CDH18: variants seen among roughly 807,000 people sequenced by gnomAD.
CDH18 encodes the protein cadherin-18.
Under a neutral mutation model 67.9 loss-of-function variants are expected in CDH18, and 31 were observed. The observed-to-expected ratio is 0.46, with a 90% CI of 0.34 to 0.62. The LOEUF (loss-of-function observed/expected upper bound fraction) is 0.62. Ranked by LOEUF, CDH18 falls within the 20% of genes least tolerant of loss-of-function variation. The pLI, the probability that CDH18 is intolerant of heterozygous loss-of-function variation, is 0.01. For synonymous variants in CDH18, 362 were observed against 347.2 expected (o/e 1.04, Z -0.48); for missense variants, 890 against 975.5 (o/e 0.91, Z 1.17).
At chr5:20,347,193 G>A (rs567157036) in intron 1 of CDH18, among the ~76,000 whole-genome samples, 1 of 152,224 alleles carries the variant, frequency 6.6e-6, no homozygotes, top group East Asian at 1.9e-4. Context: ...CTTGGACTCT[G>A]CATATTAAAC....
chr5:20,564,260 T>TTTTATTTATTTATTTATTTA (rs3039398), intron 1 of CDH18, among the ~76,000 whole-genome samples: 5,154 of 141,576 alleles, frequency 0.036, 134 homozygotes, highest in East Asian at 0.05. Flanking sequence ...ATTATCACAG[T>TTTTATTTATTTATTTATTTA]TTTATTTATT....
chr5:20,288,707 G>A (rs1190933856), intron 1 of CDH18, among the ~76,000 whole-genome samples: 4 of 151,688 alleles, frequency 2.6e-5, no homozygotes, highest in African/African-American at 7.3e-5. Context: ...TAGTCAATTC[G>A]CTTTATTCAG....
intron 2 of CDH18, among the ~76,000 whole-genome samples, chr5:19,871,216 C>A (rs986672996): frequency 6.6e-6 from 1 of 152,086 alleles, no homozygotes; most frequent in Admixed American, 6.6e-5. Context: ...AGAATGACAG[C>A]ATCCTTTTTG....
chr5:20,149,571 G>T (rs1750938331), intron 2 of CDH18, among the ~76,000 whole-genome samples: 1 of 152,124 alleles, frequency 6.6e-6, no homozygotes, highest in Non-Finnish European at 1.5e-5. Context: ...AAAAAACAAA[G>T]CAAGGGTTTC....
At chr5:20,373,399 C>T (rs1014974569) in intron 1 of CDH18, among the ~76,000 whole-genome samples, 2 of 152,074 alleles carry the variant, frequency 1.3e-5, no homozygotes, top group South Asian at 2.1e-4. Context: ...CAGACCCCAG[C>T]TCTCACACCC....
chr5:20,394,687 G>A (rs1237014701), intron 1 of CDH18, among the ~76,000 whole-genome samples: 1 of 151,936 alleles, frequency 6.6e-6, no homozygotes, highest in Non-Finnish European at 1.5e-5. Context: ...TATGCATTCA[G>A]CAAAGACCTC....
In CDH18 at chr5:19,477,269, C is replaced by T. The variant is rs182653570; in HGVS notation, c.1883-3553G>A. The stretch of plus-strand genomic sequence containing the variant: ...GGATCCCTCTAGTTAAAGATAAATT[C>T]AAATCAACTCAGAAAAATGTTGTAC... On this transcript the variant is annotated intron_variant, in intron 12 of 12. Transcript: ENST00000382275. Among the ~76,000 whole-genome samples the T allele has an allele frequency of 2.8e-3, 428 of 151,390 alleles. 3 individuals are homozygous for T. The highest frequency in any genetic ancestry group is 9.7e-3 in the African/African-American group (403 of 41,384).
intron 11 of CDH18, among the ~76,000 whole-genome samples, chr5:19,488,541 T>A (rs956747074): frequency 4.6e-5 from 7 of 152,136 alleles, no homozygotes; most frequent in Non-Finnish European, 1.0e-4. Flanking sequence ...ATAGGCATGG[T>A]TTCATATTGT....
chr5:19,997,624 G>A (rs1389766117), intron 2 of CDH18, among the ~76,000 whole-genome samples: 1 of 152,036 alleles, frequency 6.6e-6, no homozygotes, highest in Non-Finnish European at 1.5e-5. Context: ...TAAAGTCTTT[G>A]AGAACCAACA....
At chr5:20,055,426 G>A (rs1326137097) in intron 2 of CDH18, among the ~76,000 whole-genome samples, 2 of 152,244 alleles carry the variant, frequency 1.3e-5, no homozygotes, top group African/African-American at 4.8e-5. Context: ...TGTAAGCCAA[G>A]TAGAAAGTAT....
chr5:20,101,511 C>G (rs558134371), intron 2 of CDH18, among the ~76,000 whole-genome samples: 1 of 152,208 alleles, frequency 6.6e-6, no homozygotes, highest in East Asian at 1.9e-4. Context: ...CTTGAAGATG[C>G]ATAAGAAACG....
intron 1 of CDH18, among the ~76,000 whole-genome samples, chr5:20,271,770 T>A (rs937459902): frequency 6.6e-6 from 1 of 152,054 alleles, no homozygotes; most frequent in Non-Finnish European, 1.5e-5. Flanking sequence ...ATGACAACTG[T>A]GAGAAATAAA....
chr5:20,115,270 C>CT (rs753438800), intron 2 of CDH18, among the ~76,000 whole-genome samples: 21,186 of 56,476 alleles, frequency 0.38, 8,424 homozygotes, highest in Middle Eastern at 0.41. Context: ...AGGGCCTCAT[C>CT]TTTTTTTTTT....
chr5:20,571,889 C>T (rs1758840331), intron 1 of CDH18, among the ~76,000 whole-genome samples: 1 of 152,004 alleles, frequency 6.6e-6, no homozygotes, highest in Non-Finnish European at 1.5e-5. Context: ...CTTAGACTGG[C>T]TAAGTTCATG....
intron 2 of CDH18, among the ~76,000 whole-genome samples, chr5:20,060,823 T>G: frequency 6.6e-6 from 1 of 152,194 alleles, no homozygotes. Context: ...TTCATCATAC[T>G]ATTTAAAAAT....
At chr5:20,424,404 A>G (rs1202864223) in intron 1 of CDH18, among the ~76,000 whole-genome samples, 1 of 141,956 alleles carries the variant, frequency 7.0e-6, no homozygotes, top group African/African-American at 2.7e-5. Flanking sequence ...AGAGTTTCAG[A>G]TTATCTTTTT....
intron 2 of CDH18, among the ~76,000 whole-genome samples, chr5:20,003,234 TTA>T (rs1278498850): frequency 6.6e-6 from 1 of 152,170 alleles, no homozygotes; most frequent in African/African-American, 2.4e-5. Context: ...CCCCACAAAG[TTA>T]TTCAAATCTG....
chr5:19,838,874 GT>G lies in CDH18; in HGVS notation c.112del (p.Thr38ProfsTer26). 6.2e-7 allele frequency: 1 copy of G among 1,614,034 alleles called. No individual in the cohort carries two copies. Among genetic ancestry groups the G allele is most frequent in the Non-Finnish European group, 8.5e-7 (1 of 1,179,936 alleles). On this transcript the variant is annotated frameshift_variant, in exon 3 of 13. Transcript: ENST00000382275. LOFTEE classifies it high-confidence loss of function. ...HSSIKVMRNQTKHIEGETEVH... is the reference protein window; with the variant it reads ...HSSIKVMRNQXKHIEGETEVH... ...TTCGGTTTCACCTTCAATGTGTTTG[GT>G]TTGGTTTCTCATCACCTTGATGGAG...
intron 10 of CDH18, among the ~76,000 whole-genome samples, chr5:19,509,618 AT>A (rs1376576705): frequency 6.6e-6 from 1 of 152,148 alleles, no homozygotes; most frequent in African/African-American, 2.4e-5. Context: ...ATGCAAAGCT[AT>A]ATGGTTAATA....
Sources: allele counts gnomAD v4.1 joint callset (sites outside exome capture counted in the v4.1 genomes callset), GRCh38; gene constraint gnomAD v4.1.1; transcripts MANE v1.5; gene names NCBI Gene and HGNC (gene_info 2026-07-23, HGNC 2026-07-21).